ASNS: variants seen among roughly 807,000 people sequenced by gnomAD.
ASNS encodes asparagine synthetase [glutamine-hydrolyzing].
ASNS carries 37 observed loss-of-function variants against 62.6 expected under a neutral mutation model. The ratio of observed to expected loss-of-function variants is 0.59; its 90% CI spans 0.45 to 0.78. ASNS has a LOEUF of 0.78. ASNS is among the 30% of genes least tolerant of loss of function. The pLI is 0.00. For missense variants in ASNS, 520 were observed against 682.4 expected (o/e 0.76, Z 2.65); for synonymous variants, 207 against 237.9 (o/e 0.87, Z 1.19).
chr7:97,922,733 A>G, the ASNS span, among the ~76,000 whole-genome samples: 1 of 152,232 alleles, frequency 6.6e-6, no homozygotes. Context: ...ACTCCAAAAA[A>G]CAAGACATTC....
chr7:97,922,772 A>G, the ASNS span, among the ~76,000 whole-genome samples: 1 of 152,260 alleles, frequency 6.6e-6, no homozygotes, highest in Non-Finnish European at 1.5e-5. Flanking sequence ...TAAAAATAAA[A>G]TTCAGAATTC....
the ASNS span, among the ~76,000 whole-genome samples, chr7:97,882,367 T>G: frequency 2.6e-5 from 4 of 151,794 alleles, no homozygotes; most frequent in African/African-American, 9.7e-5. Context: ...GCCAACATGG[T>G]GAAACCCCGT....
the ASNS span, among the ~76,000 whole-genome samples, chr7:97,913,916 G>T: frequency 1.3e-5 from 2 of 151,224 alleles, no homozygotes; most frequent in Admixed American, 1.3e-4. Flanking sequence ...GGCTGAGTGG[G>T]TGGAGAAATG....
Position 97,852,100 on chromosome 7 carries a change from G to T in ASNS, c.*159C>A. The T allele has an allele frequency of 1.3e-6, 1 of 751,098 alleles. No individual in the cohort carries two copies. The highest frequency in any genetic ancestry group is 2.1e-6 in the Non-Finnish European group (1 of 468,210). 46.5% of individuals were successfully genotyped at this position (751,098 alleles called of 1,614,324 possible). On this transcript the variant is annotated 3_prime_UTR_variant, in exon 13 of 13. Transcript: ENST00000394308. ...TCTAGTTACCTCTTATGAAGAGACT[G>T]CATGAACATAAATGACTACAGCAAT...
intron 4 of ASNS, among the ~76,000 whole-genome samples, chr7:97,861,597 G>A (rs1489639414): frequency 1.3e-5 from 2 of 152,212 alleles, no homozygotes; most frequent in African/African-American, 4.8e-5. Context: ...CAGTTAATAT[G>A]AGGTCTCCTA....
chr7:97,866,194 A>G (rs1344060527), intron 3 of ASNS, among the ~76,000 whole-genome samples: 3 of 152,264 alleles, frequency 2.0e-5, no homozygotes, highest in African/African-American at 7.2e-5. Context: ...GTTCAGCTTC[A>G]AAGTCCTAGC....
the ASNS span, among the ~76,000 whole-genome samples, chr7:97,924,304 G>A: frequency 6.6e-6 from 1 of 152,182 alleles, no homozygotes; most frequent in African/African-American, 2.4e-5. Context: ...GGCCAGGGGG[G>A]GATGCGAGAA....
At position 97,852,144 on chromosome 7, in the gene ASNS, T is replaced by A; in HGVS notation, c.*115A>T. On this transcript the variant is annotated 3_prime_UTR_variant, in exon 13 of 13. Coordinates refer to ENST00000394308, the MANE Select transcript of ASNS (RefSeq NM_001673.5). ...CAGCAATGGTTTAGATTTAGGACTT[T>A]TATTTTTTTCACACCCAAGTTAGCC... The A allele has an allele frequency of 8.4e-7, 1 of 1,191,510 alleles. No homozygotes were observed. The highest frequency in any genetic ancestry group is 1.5e-5 in the South Asian group (1 of 67,636). The allele number at this position is 1,191,510 out of a possible 1,614,324, so 73.8% of individuals were successfully genotyped here.
At chr7:97,872,801 G>A (rs1213859879), upstream of ASNS, among the ~76,000 whole-genome samples, 1 of 152,220 alleles carries the variant, frequency 6.6e-6, no homozygotes, top group Non-Finnish European at 1.5e-5. Context: ...GTCCTTATAA[G>A]ATCTATTAAT....
chr7:97,893,320 A>G, the ASNS span, among the ~76,000 whole-genome samples: 1 of 152,290 alleles, frequency 6.6e-6, no homozygotes, highest in Non-Finnish European at 1.5e-5. Flanking sequence ...CAGCCAAACC[A>G]TATCAAAAGG....
the ASNS span, among the ~76,000 whole-genome samples, chr7:97,917,992 G>A: frequency 1.3e-5 from 2 of 152,124 alleles, no homozygotes; most frequent in Non-Finnish European, 1.5e-5. Flanking sequence ...TGCAGGCCTC[G>A]AGATTTGCAG....
the ASNS span, among the ~76,000 whole-genome samples, chr7:97,889,090 T>A: frequency 6.6e-6 from 1 of 152,176 alleles, no homozygotes; most frequent in Non-Finnish European, 1.5e-5. Flanking sequence ...AGACAGGCTA[T>A]CATCAGTGCC....
chr7:97,908,571 T>C, the ASNS span: 1 of 152,112 alleles, frequency 6.6e-6, no homozygotes, highest in South Asian at 2.1e-4. Context: ...CTGGCTAATT[T>C]TTATATTTTT....
the ASNS span, among the ~76,000 whole-genome samples, chr7:97,896,741 C>CAT: frequency 0.037 from 735 of 19,740 alleles, 49 homozygotes; most frequent in African/African-American, 0.07. Flanking sequence ...CACACACACA[C>CAT]ATATATATAT....
chr7:97,908,287 A>C, the ASNS span: 2 of 152,240 alleles, frequency 1.3e-5, no homozygotes, highest in African/African-American at 4.8e-5. Context: ...TGGACCAGGA[A>C]GTTCATGACC....
chr7:97,914,147 G>C, the ASNS span, among the ~76,000 whole-genome samples: 1 of 106,444 alleles, frequency 9.4e-6, no homozygotes, highest in Admixed American at 1.1e-4. Flanking sequence ...TGGATGGATG[G>C]ATGCATGGAT....
chr7:97,864,342 A>G lies in ASNS; in HGVS notation c.404T>C (p.Leu135Pro). The part of the protein sequence containing the change: ...LLDTANKKVF[L>P]GRDTYGVRPL... Reference sequence around the variant, plus strand: ...TCTGACTCCATATGTATCTCTACCCAGGAACACTTTCTTATTGGCAGTATC... The same window carrying G: ...TCTGACTCCATATGTATCTCTACCCGGGAACACTTTCTTATTGGCAGTATC... The change falls in exon 4 of 13, where the codon CTG becomes CCG. Residue 135 changes from leucine to proline, a missense_variant. Physicochemically the swap from Leu to Pro is moderately conservative, Grantham distance 98. Transcript: ENST00000394308. 6.2e-7 allele frequency: 1 copy of G among 1,613,864 alleles called. No homozygotes were observed. The highest frequency in any genetic ancestry group is 8.5e-7 in the Non-Finnish European group (1 of 1,179,822).
the ASNS span, among the ~76,000 whole-genome samples, chr7:97,903,661 TA>T: frequency 1.3e-5 from 2 of 152,176 alleles, no homozygotes; most frequent in East Asian, 3.9e-4. Context: ...AATATAGATC[TA>T]AAAAAAACAA....
the ASNS span, among the ~76,000 whole-genome samples, chr7:97,901,334 T>C: frequency 6.6e-6 from 1 of 152,226 alleles, no homozygotes; most frequent in African/African-American, 2.4e-5. Context: ...TAGATGGGAC[T>C]ACATGTGCAT....
Sources: allele counts gnomAD v4.1 joint callset (sites outside exome capture counted in the v4.1 genomes callset), GRCh38; gene constraint gnomAD v4.1.1; transcripts MANE v1.5; gene names NCBI Gene and HGNC (gene_info 2026-07-23, HGNC 2026-07-21).